DLG2: variants seen among roughly 807,000 people sequenced by gnomAD.
DLG2 encodes the protein disks large homolog 2.
DLG2 carries 45 observed loss-of-function variants against 132.5 expected under a neutral mutation model. The observed-to-expected ratio is 0.34, with a 90% CI of 0.27 to 0.44. The LOEUF is 0.44. Among genes scored for constraint, DLG2 ranks in the 20% least tolerant of loss-of-function variants. DLG2 has a pLI of 1.00. For missense variants in DLG2, 1,045 were observed against 1,196.9 expected (o/e 0.87, Z 1.87); for synonymous variants, 424 against 419.6 (o/e 1.01, Z -0.13).
At chr11:84,316,064 G>A (rs963232413) in intron 7 of DLG2, among the ~76,000 whole-genome samples, 14 of 152,012 alleles carry the variant, frequency 9.2e-5, no homozygotes, top group Non-Finnish European at 5.9e-5. Context: ...AATGAAGAGA[G>A]AAAAAAATGA....
intron 16 of DLG2, among the ~76,000 whole-genome samples, chr11:83,853,949 T>C (rs1344922941): frequency 6.6e-6 from 1 of 152,132 alleles, no homozygotes; most frequent in Non-Finnish European, 1.5e-5. Context: ...CTGTCTTTGT[T>C]CACAGATAAC....
At chr11:83,637,410 G>T (rs1247199730) in intron 18 of DLG2, among the ~76,000 whole-genome samples, 2 of 152,108 alleles carry the variant, frequency 1.3e-5, no homozygotes, top group African/African-American at 4.8e-5. Flanking sequence ...CAATGAGCTA[G>T]GATCTGTACT....
At chr11:85,163,957 A>T (rs180793574) in intron 4 of DLG2, among the ~76,000 whole-genome samples, 1 of 152,304 alleles carries the variant, frequency 6.6e-6, no homozygotes, top group East Asian at 1.9e-4. Flanking sequence ...ATGAAACTCA[A>T]ATAAGGGACA....
Position 83,930,437 on chromosome 11 carries a change from G to C in DLG2, c.1387C>G (p.Pro463Ala), listed in dbSNP as rs141677387. 12 of 1,614,072 alleles carry C rather than the reference G, an allele frequency of 7.4e-6. No individual in the cohort carries two copies. Among genetic ancestry groups the C allele is most frequent in the Non-Finnish European group, 9.3e-6 (11 of 1,179,978 alleles). The stretch of plus-strand genomic sequence containing the variant: ...GGGGAATAGTGCCTGGGAGAAGCAG[G>C]CTTATCACATAGTTTGTTCACAGTG... ...YSTVNKLCDK[P>A]ASPRHYSPVE... is the part of the protein sequence containing the mutation. The change falls in exon 15 of 28, where the codon CCT (proline) becomes GCT (alanine). Residue 463 changes from proline to alanine, a missense_variant. Physicochemically the swap from Pro to Ala is conservative, Grantham distance 27. Transcript: ENST00000376104.
intron 9 of DLG2, among the ~76,000 whole-genome samples, chr11:84,116,770 T>A (rs1450399989): frequency 3.3e-5 from 5 of 152,212 alleles, no homozygotes; most frequent in African/African-American, 4.8e-5. Context: ...AAGCAGGATA[T>A]ATAAACATAA....
chr11:85,487,228 G>A (rs1237378058), intron 3 of DLG2, among the ~76,000 whole-genome samples: 1 of 151,806 alleles, frequency 6.6e-6, no homozygotes, highest in Non-Finnish European at 1.5e-5. Flanking sequence ...CAGATATGTA[G>A]ACATGAATGT....
intron 7 of DLG2, among the ~76,000 whole-genome samples, chr11:84,398,385 A>G (rs962927340): frequency 2.0e-5 from 3 of 152,218 alleles, no homozygotes; most frequent in Admixed American, 1.3e-4. Flanking sequence ...AGAATAAAGT[A>G]GAGCTCATAC....
chr11:83,890,119 TAA>T (rs1392848751), intron 15 of DLG2, among the ~76,000 whole-genome samples: 2 of 151,674 alleles, frequency 1.3e-5, no homozygotes, highest in Middle Eastern at 3.4e-3. Flanking sequence ...ATAATAATAA[TAA>T]AAAAAGAAAT....
intron 6 of DLG2, among the ~76,000 whole-genome samples, chr11:84,739,177 A>G (rs2064260220): frequency 6.6e-6 from 1 of 152,160 alleles, no homozygotes; most frequent in Non-Finnish European, 1.5e-5. Flanking sequence ...TGTATATTTA[A>G]AAAAGATTCA....
intron 6 of DLG2, among the ~76,000 whole-genome samples, chr11:85,049,833 TA>T (rs1395929740): frequency 6.6e-6 from 1 of 151,890 alleles, no homozygotes; most frequent in African/African-American, 2.4e-5. Flanking sequence ...ACTTAGGGGG[TA>T]AAATGATGGG....
chr11:85,281,828 G>T (rs1023442679), intron 4 of DLG2, among the ~76,000 whole-genome samples: 1 of 151,874 alleles, frequency 6.6e-6, no homozygotes, highest in Non-Finnish European at 1.5e-5. Flanking sequence ...ACTTAGAGCT[G>T]CCATATGATT....
intron 6 of DLG2, among the ~76,000 whole-genome samples, chr11:84,985,230 A>C (rs748266912): frequency 5.9e-5 from 9 of 152,198 alleles, no homozygotes; most frequent in Admixed American, 2.6e-4. Context: ...GATAGGACAC[A>C]AACTGAGCCT....
At chr11:85,344,667 G>T (rs570960301) in intron 3 of DLG2, among the ~76,000 whole-genome samples, 13 of 152,152 alleles carry the variant, frequency 8.5e-5, no homozygotes, top group African/African-American at 2.9e-4. Flanking sequence ...CATTTTGATT[G>T]TATTTTCATA....
At chr11:85,221,492 G>T (rs138972137) in intron 4 of DLG2, among the ~76,000 whole-genome samples, 68 of 152,304 alleles carry the variant, frequency 4.5e-4, no homozygotes, top group Non-Finnish European at 8.8e-4. Flanking sequence ...ACCTCTACAT[G>T]TCTGCACTAT....
chr11:83,637,912 C>G (rs1177833776), intron 18 of DLG2, among the ~76,000 whole-genome samples: 1 of 152,156 alleles, frequency 6.6e-6, no homozygotes, highest in Non-Finnish European at 1.5e-5. Context: ...GCTTCCAGAA[C>G]AGGACATTGA....
At chr11:85,321,698 A>G (rs1157220789) in intron 3 of DLG2, among the ~76,000 whole-genome samples, 1 of 152,104 alleles carries the variant, frequency 6.6e-6, no homozygotes, top group Non-Finnish European at 1.5e-5. Context: ...ATAGAGTTAA[A>G]TGTATCAAGG....
At chr11:85,371,947 T>C (rs1219107545) in intron 3 of DLG2, among the ~76,000 whole-genome samples, 1 of 152,234 alleles carries the variant, frequency 6.6e-6, no homozygotes, top group African/African-American at 2.4e-5. Flanking sequence ...CACTCAGTCC[T>C]GACATAATTT....
chr11:84,053,653 T>C (rs2096444502), intron 11 of DLG2, among the ~76,000 whole-genome samples: 1 of 152,004 alleles, frequency 6.6e-6, no homozygotes, highest in African/African-American at 2.4e-5. Context: ...CATATTTAGA[T>C]ATAGCCATTT....
intron 3 of DLG2, among the ~76,000 whole-genome samples, chr11:85,433,398 G>A (rs2153017866): frequency 6.6e-6 from 1 of 152,232 alleles, no homozygotes; most frequent in South Asian, 2.1e-4. Context: ...AAACCCACCA[G>A]TGTTCTGTAT....
Sources: gnomAD v4.1 joint callset for allele counts (sites outside exome capture counted in the v4.1 genomes callset) on GRCh38, gnomAD v4.1.1 for gene constraint, MANE v1.5 for transcripts, NCBI Gene and HGNC (gene_info 2026-07-23, HGNC 2026-07-21) for gene names.